The following ROR1 variants were observed in gnomAD, a reference collection of about 807,000 sequenced individuals.
ROR1 encodes inactive tyrosine-protein kinase transmembrane receptor ROR1.
Under a neutral mutation model 78.8 loss-of-function variants are expected in ROR1, and 19 were observed. The ratio of observed to expected loss-of-function variants is 0.24; its 90% CI spans 0.17 to 0.35. The LOEUF is 0.35. ROR1 is among the 10% of genes least tolerant of loss of function. ROR1 has a pLI of 1.00. For synonymous variants in ROR1, 386 were observed against 433.6 expected, an observed-to-expected ratio of 0.89 and a Z score of 1.36; for missense variants, 917 against 1,177.8, an observed-to-expected ratio of 0.78 and a Z score of 3.24.
At chr1:64,164,112 TG>T (rs1650020504) in intron 8 of ROR1, among the ~76,000 whole-genome samples, 1 of 152,210 alleles carries the variant, frequency 6.6e-6, no homozygotes, top group South Asian at 2.1e-4. Flanking sequence ...ATTCCCTTAA[TG>T]GGAGCATCCT....
chr1:64,018,572 A>G (rs142137756), intron 2 of ROR1, among the ~76,000 whole-genome samples: 58 of 152,218 alleles, frequency 3.8e-4, no homozygotes, highest in African/African-American at 1.1e-3. Flanking sequence ...TTCCTCATGC[A>G]AGAAATTTTA....
intron 1 of ROR1, among the ~76,000 whole-genome samples, chr1:63,955,482 A>C (rs1215525402): frequency 6.6e-6 from 1 of 152,172 alleles, no homozygotes; most frequent in African/African-American, 2.4e-5. Context: ...AGAACAGATA[A>C]GTTATCCCTC....
chr1:63,962,333 A>G (rs1313142030), intron 1 of ROR1, among the ~76,000 whole-genome samples: 6 of 152,260 alleles, frequency 3.9e-5, no homozygotes, highest in African/African-American at 7.2e-5. Context: ...CTAACTTGTT[A>G]ACAGAGCTCC....
chr1:63,844,723 T>C (rs675715), intron 1 of ROR1, among the ~76,000 whole-genome samples: 32,848 of 151,472 alleles, frequency 0.22, 7,597 homozygotes, highest in African/African-American at 0.59. Flanking sequence ...GTGTGGTGCA[T>C]GTAGTGAGGA....
chr1:63,851,953 G>A (rs1645116541), intron 1 of ROR1, among the ~76,000 whole-genome samples: 1 of 152,254 alleles, frequency 6.6e-6, no homozygotes, highest in African/African-American at 2.4e-5. Context: ...GCAGGTGGTA[G>A]AATAATTTGA....
rs1650533350 is a variant in ROR1 at position 64,181,018 on chromosome 1, C to G, written c.*2163C>G. The G allele has an allele frequency of 6.6e-6, 1 of 152,022 alleles. No individual in the cohort carries two copies. The allele number at this position is 152,022 out of a possible 1,614,324, so 9.4% of individuals were successfully genotyped here. On this transcript the variant is annotated 3_prime_UTR_variant, in exon 9 of 9. Transcript: ENST00000371079. ...ATAATCGCACTGTGATACTATATAA[C>G]ACAGTCTCTTTTGTATTAAAATAGT...
chr1:63,921,963 T>A (rs566191659), intron 1 of ROR1, among the ~76,000 whole-genome samples: 1 of 152,178 alleles, frequency 6.6e-6, no homozygotes, highest in African/African-American at 2.4e-5. Flanking sequence ...AGAGGGGGTA[T>A]CTCAGGAGCT....
intron 8 of ROR1, among the ~76,000 whole-genome samples, chr1:64,169,040 C>G (rs1650165063): frequency 6.6e-6 from 1 of 152,212 alleles, no homozygotes; most frequent in African/African-American, 2.4e-5. Context: ...GGCACTGATG[C>G]CTGCTCTGAT....
intron 1 of ROR1, among the ~76,000 whole-genome samples, chr1:63,815,841 T>A (rs972007078): frequency 6.6e-6 from 1 of 151,962 alleles, no homozygotes; most frequent in Non-Finnish European, 1.5e-5. Context: ...ACTGACACAG[T>A]CCTGGGGTGG....
intron 4 of ROR1, among the ~76,000 whole-genome samples, chr1:64,080,380 G>A (rs924039289): frequency 9.2e-5 from 14 of 152,184 alleles, no homozygotes; most frequent in African/African-American, 3.4e-4. Flanking sequence ...AGCCCAAAAT[G>A]ACAATAGTGC....
At chr1:64,031,181 A>G (rs750248931) in intron 2 of ROR1, among the ~76,000 whole-genome samples, 95 of 152,276 alleles carry the variant, frequency 6.2e-4, no homozygotes, top group Non-Finnish European at 1.1e-3. Flanking sequence ...GTCAGTTAGT[A>G]TTTATGAAGC....
intron 4 of ROR1, among the ~76,000 whole-genome samples, chr1:64,102,397 A>T (rs1647588271): frequency 6.6e-6 from 1 of 152,034 alleles, no homozygotes; most frequent in Non-Finnish European, 1.5e-5. Context: ...GGGTGAGACA[A>T]GCAAACCCAG....
intron 4 of ROR1, among the ~76,000 whole-genome samples, chr1:64,051,472 T>A (rs868449867): frequency 2.6e-4 from 35 of 135,144 alleles, no homozygotes; most frequent in African/African-American, 7.1e-4. Context: ...TAAAATAAAA[T>A]AAAATAAAAT....
At chr1:63,804,904 C>A (rs1644818957) in intron 1 of ROR1, among the ~76,000 whole-genome samples, 1 of 152,190 alleles carries the variant, frequency 6.6e-6, no homozygotes, top group South Asian at 2.1e-4. Flanking sequence ...GGCTGTTTGA[C>A]CCCACCTTGG....
chr1:64,139,490 T>G (rs2100709220), intron 5 of ROR1, among the ~76,000 whole-genome samples: 1 of 152,328 alleles, frequency 6.6e-6, no homozygotes, highest in South Asian at 2.1e-4. Flanking sequence ...TTTGTGCATC[T>G]TACCCTACTA....
intron 7 of ROR1, among the ~76,000 whole-genome samples, chr1:64,144,511 C>G (rs1187530252): frequency 1.3e-5 from 2 of 152,170 alleles, no homozygotes; most frequent in African/African-American, 4.8e-5. Flanking sequence ...GCCTCAGTTC[C>G]TAATGTAATA....
intron 4 of ROR1, among the ~76,000 whole-genome samples, chr1:64,053,562 T>C (rs776756437): frequency 6.6e-6 from 1 of 152,218 alleles, no homozygotes; most frequent in Non-Finnish European, 1.5e-5. Flanking sequence ...GAGGTTCACA[T>C]ACCATATGTC....
At chr1:63,979,917 G>A (rs916646006) in intron 1 of ROR1, among the ~76,000 whole-genome samples, 1 of 152,102 alleles carries the variant, frequency 6.6e-6, no homozygotes, top group Non-Finnish European at 1.5e-5. Context: ...AAACAACAAT[G>A]CACATCTGCC....
intron 4 of ROR1, among the ~76,000 whole-genome samples, chr1:64,085,876 A>G (rs566976752): frequency 6.6e-6 from 1 of 152,166 alleles, no homozygotes; most frequent in Non-Finnish European, 1.5e-5. Flanking sequence ...GTGTTGTAAA[A>G]GGGGTTAATT....
Sources: allele counts gnomAD v4.1 joint callset (sites outside exome capture counted in the v4.1 genomes callset), GRCh38; gene constraint gnomAD v4.1.1; transcripts MANE v1.5; gene names NCBI Gene and HGNC (gene_info 2026-07-23, HGNC 2026-07-21).